Variants in TXLNB observed in about 807,000 individuals in gnomAD.
TXLNB encodes the protein beta-taxilin.
In TXLNB, 37 loss-of-function variants were observed where a neutral mutation model predicts 57.4. The observed-to-expected ratio is 0.64, with a 90% CI of 0.50 to 0.85. The LOEUF is 0.85. Among genes scored for constraint, TXLNB ranks in the 40% least tolerant of loss-of-function variants. The pLI, the probability that TXLNB is intolerant of heterozygous loss-of-function variation, is 0.00. For synonymous variants in TXLNB, 302 were observed against 309.6 expected, an observed-to-expected ratio of 0.98 and a Z score of 0.26; for missense variants, 848 against 825.6, an observed-to-expected ratio of 1.03 and a Z score of -0.33.
At chr6:139,267,047 A>G (rs1268955931) in intron 4 of TXLNB, among the ~76,000 whole-genome samples, 1 of 151,978 alleles carries the variant, frequency 6.6e-6, no homozygotes, top group African/African-American at 2.4e-5. Flanking sequence ...ATTAAAAAAA[A>G]AATAAAGATG....
chr6:139,174,287 C>A, the TXLNB span: 9 of 1,349,324 alleles, frequency 6.7e-6, no homozygotes, highest in African/African-American at 1.5e-5. Context: ...ATGATAAAAT[C>A]TTTGCTTATA....
the TXLNB span, among the ~76,000 whole-genome samples, chr6:139,182,669 A>G: frequency 6.6e-6 from 1 of 152,240 alleles, no homozygotes; most frequent in African/African-American, 2.4e-5. Context: ...CTGAATGTGA[A>G]CTACCTTTGA....
intron 4 of TXLNB, among the ~76,000 whole-genome samples, chr6:139,266,517 G>T (rs1776619334): frequency 6.6e-6 from 1 of 152,076 alleles, no homozygotes; most frequent in African/African-American, 2.4e-5. Context: ...TGAATGTGAA[G>T]ATAGACCAAT....
the TXLNB span, chr6:139,166,092 G>C: frequency 7.4e-6 from 4 of 540,040 alleles, no homozygotes; most frequent in Non-Finnish European, 1.3e-5. Flanking sequence ...GATTCCACCA[G>C]ACTGGTTGGT....
At chr6:139,271,118 T>C (rs1776750237) in intron 3 of TXLNB, among the ~76,000 whole-genome samples, 1 of 152,188 alleles carries the variant, frequency 6.6e-6, no homozygotes, top group Admixed American at 6.5e-5. Flanking sequence ...AAACAGAAGA[T>C]GAAGTTCTCT....
At chr6:139,233,388 T>C in the TXLNB span, among the ~76,000 whole-genome samples, 1 of 132,892 alleles carries the variant, frequency 7.5e-6, no homozygotes, top group Non-Finnish European at 1.6e-5. Flanking sequence ...TATATATAAA[T>C]AAATATATAT....
the TXLNB span, among the ~76,000 whole-genome samples, chr6:139,210,539 C>T: frequency 2.6e-5 from 4 of 152,198 alleles, no homozygotes; most frequent in Admixed American, 2.6e-4. Flanking sequence ...CTCCAGTCTA[C>T]AGCTCCTAGC....
At chr6:139,175,328 GT>G in the TXLNB span, among the ~76,000 whole-genome samples, 1 of 152,116 alleles carries the variant, frequency 6.6e-6, no homozygotes, top group Non-Finnish European at 1.5e-5. Context: ...TTCCAGCCTG[GT>G]TTTTTAGTAC....
At chr6:139,223,674 A>T in the TXLNB span, among the ~76,000 whole-genome samples, 4 of 151,914 alleles carry the variant, frequency 2.6e-5, no homozygotes, top group Admixed American at 2.6e-4. Context: ...ACATTTATGC[A>T]GCCAAAAAAC....
the TXLNB span, among the ~76,000 whole-genome samples, chr6:139,180,959 C>A: frequency 6.6e-6 from 1 of 152,296 alleles, no homozygotes; most frequent in South Asian, 2.1e-4. Context: ...ATAAAAAAAA[C>A]TGCCAACTTT....
chr6:139,233,135 A>C, the TXLNB span, among the ~76,000 whole-genome samples: 5 of 151,912 alleles, frequency 3.3e-5, no homozygotes, highest in Admixed American at 2.6e-4. Context: ...AATAGCTATC[A>C]TTCTCACCTG....
At chr6:139,206,630 C>T in the TXLNB span, among the ~76,000 whole-genome samples, 32 of 151,158 alleles carry the variant, frequency 2.1e-4, no homozygotes, top group East Asian at 4.3e-3. Context: ...GCTGAGATCG[C>T]GCCACTGCAC....
At chr6:139,160,185 A>G in the TXLNB span, among the ~76,000 whole-genome samples, 4 of 152,214 alleles carry the variant, frequency 2.6e-5, no homozygotes, top group African/African-American at 9.7e-5. Flanking sequence ...AGCAGAAGAA[A>G]TAGAAGCTGG....
the TXLNB span, among the ~76,000 whole-genome samples, chr6:139,189,036 C>T: frequency 9.2e-5 from 14 of 152,346 alleles, no homozygotes; most frequent in Non-Finnish European, 1.3e-4. Context: ...GGATTACAGG[C>T]GTGAGCCACC....
chr6:139,236,045 T>C (rs1225714281), downstream of TXLNB, among the ~76,000 whole-genome samples: 1 of 152,132 alleles, frequency 6.6e-6, no homozygotes, highest in African/African-American at 2.4e-5. Flanking sequence ...ACCTTCCCAC[T>C]CCTTCCCCCT....
At chr6:139,177,165 T>G in the TXLNB span, 1 of 708,662 alleles carries the variant, frequency 1.4e-6, no homozygotes, top group Non-Finnish European at 2.4e-6. This position sits in a 1 kb window ranked among gnomAD's most constrained non-coding sequence, Gnocchi z 4.9. Flanking sequence ...TACATATCTT[T>G]TATAGGGAAA....
At chr6:139,226,219 G>A in the TXLNB span, among the ~76,000 whole-genome samples, 1 of 141,160 alleles carries the variant, frequency 7.1e-6, no homozygotes, top group African/African-American at 2.6e-5. Flanking sequence ...GATCACTTGA[G>A]CCCAGGATGC....
chr6:139,192,350 C>G, the TXLNB span, among the ~76,000 whole-genome samples: 1 of 152,174 alleles, frequency 6.6e-6, no homozygotes, highest in Admixed American at 6.5e-5. Flanking sequence ...TCTTATGAAG[C>G]CTACCCTGAC....
chr6:139,281,391 C>T (rs1285875514), intron 2 of TXLNB, among the ~76,000 whole-genome samples: 1 of 152,098 alleles, frequency 6.6e-6, no homozygotes, highest in Admixed American at 6.6e-5. Context: ...AGGCCTGTAT[C>T]AGCTTCGAAA....
Sources: allele counts gnomAD v4.1 joint callset (sites outside exome capture counted in the v4.1 genomes callset), GRCh38; gene constraint gnomAD v4.1.1; non-coding constraint Gnocchi (gnomAD v3.1); transcripts MANE v1.5; gene names NCBI Gene and HGNC (gene_info 2026-07-23, HGNC 2026-07-21).